Variants in DNAH7 observed in about 807,000 individuals in gnomAD.
DNAH7 encodes the protein dynein axonemal heavy chain 7.
A neutral mutation model predicts 444.6 loss-of-function variants in DNAH7; 397 were observed. The observed-to-expected ratio is 0.89, with a 90% confidence interval of 0.82 to 0.97. DNAH7 has a LOEUF of 0.97. Among genes scored for constraint, DNAH7 ranks in the 50% least tolerant of loss-of-function variants. The pLI is 0.00. For synonymous variants in DNAH7, 1,636 were observed against 1,624.4 expected (o/e 1.01, Z -0.17); for missense variants, 4,902 against 4,800.8 (o/e 1.02, Z -0.62).
chr2:195,952,700 C>T (rs920749396), intron 19 of DNAH7, among the ~76,000 whole-genome samples: 1 of 151,782 alleles, frequency 6.6e-6, no homozygotes, highest in African/African-American at 2.4e-5. Context: ...TCTCTGATAC[C>T]CTTTCTTCTA....
At chr2:195,991,946 C>T (rs1343140048) in intron 12 of DNAH7, among the ~76,000 whole-genome samples, 1 of 152,196 alleles carries the variant, frequency 6.6e-6, no homozygotes, top group East Asian at 1.9e-4. Flanking sequence ...CCGGAAAAAT[C>T]TTATGCATGA....
Position 195,875,797 on chromosome 2 carries a change from C to T in DNAH7, c.6164G>A (p.Gly2055Glu). 6.2e-7 allele frequency: 1 copy of T among 1,613,032 alleles called. No individual in the cohort carries two copies. Among genetic ancestry groups the T allele is most frequent in the Non-Finnish European group, 8.5e-7 (1 of 1,179,670 alleles). ...DVNMPAREVY[G>E]AQPPIELLRQ... ...AAGTAACTCAATGGGAGGTTGAGCC[C>T]CATATACCTCCCGAGCAGGCATATT... is the stretch of plus-strand genomic sequence containing the variant. The change falls in exon 38 of 65, where the codon GGG (glycine) becomes GAG (glutamate). Residue 2055 changes from glycine to glutamate, a missense_variant. Gly to Glu is a moderately conservative substitution (Grantham distance 98, BLOSUM62 -2). Coordinates refer to ENST00000312428, the MANE Select transcript of DNAH7 (RefSeq NM_018897.3).
At chr2:195,950,679 T>G (rs1299497412) in intron 19 of DNAH7, among the ~76,000 whole-genome samples, 1 of 151,710 alleles carries the variant, frequency 6.6e-6, no homozygotes, top group African/African-American at 2.4e-5. Context: ...AAACCCCATC[T>G]CTACTAAAAA....
At chr2:195,937,824 G>A (rs890453350) in intron 19 of DNAH7, among the ~76,000 whole-genome samples, 5 of 151,438 alleles carry the variant, frequency 3.3e-5, no homozygotes, top group Admixed American at 3.3e-4. Context: ...TGAAGGTGTT[G>A]AAAAAACAAA....
intron 61 of DNAH7, among the ~76,000 whole-genome samples, chr2:195,762,513 T>C (rs1281964549): frequency 2.0e-5 from 3 of 152,042 alleles, no homozygotes; most frequent in Non-Finnish European, 4.4e-5. Flanking sequence ...AAGATACATA[T>C]AGACTGAAAA....
intron 63 of DNAH7, among the ~76,000 whole-genome samples, chr2:195,747,574 C>CA: frequency 6.6e-6 from 1 of 152,262 alleles, no homozygotes; most frequent in East Asian, 1.9e-4. Context: ...AACATTGATG[C>CA]AAAAATCCTC....
chr2:195,986,263 G>A (rs1692900525), intron 14 of DNAH7, among the ~76,000 whole-genome samples: 1 of 152,096 alleles, frequency 6.6e-6, no homozygotes. Flanking sequence ...CTTCTACATT[G>A]TAACTTCCTT....
chr2:195,986,895 A>G (rs1692947250), intron 14 of DNAH7, among the ~76,000 whole-genome samples, 171 bp downstream of exon 14: 1 of 152,170 alleles, frequency 6.6e-6, no homozygotes, highest in Non-Finnish European at 1.5e-5. Context: ...AATAAATACT[A>G]ATAATCACAT....
intron 46 of DNAH7, among the ~76,000 whole-genome samples, chr2:195,850,168 G>A (rs574278102): frequency 6.6e-6 from 1 of 152,004 alleles, no homozygotes; most frequent in Non-Finnish European, 1.5e-5. Flanking sequence ...TGTAATATCA[G>A]AGAATAACCA....
intron 49 of DNAH7, 78 bp from the exon 50 acceptor site, chr2:195,817,907 C>T: frequency 9.4e-7 from 1 of 1,068,884 alleles, no homozygotes; most frequent in East Asian, 2.6e-5. Flanking sequence ...CAAGTTCTGC[C>T]CTTAAAATAG....
chr2:195,858,452 A>C (rs753314534), intron 43 of DNAH7, 22 bp downstream of exon 43: 1 of 1,545,744 alleles, frequency 6.5e-7, no homozygotes, highest in Non-Finnish European at 8.7e-7. Flanking sequence ...GTGTCCTAGA[A>C]AGTGTATGGC....
intron 49 of DNAH7, among the ~76,000 whole-genome samples, chr2:195,818,043 T>C (rs1697303865): frequency 6.6e-6 from 1 of 152,200 alleles, no homozygotes; most frequent in Non-Finnish European, 1.5e-5. Context: ...AAAAATCTAA[T>C]ACCTCAAAGG....
intron 15 of DNAH7, among the ~76,000 whole-genome samples, chr2:195,981,758 C>A (rs1233914109): frequency 1.3e-5 from 2 of 152,178 alleles, no homozygotes; most frequent in Non-Finnish European, 2.9e-5. Context: ...ACTGGATATT[C>A]ATATGCAGAA....
intron 48 of DNAH7, chr2:195,824,971 AGATT>A (rs929491443): frequency 6.6e-6 from 1 of 152,340 alleles, no homozygotes; most frequent in Admixed American, 6.5e-5. Context: ...CACAGTATAT[AGATT>A]GATAGAAAAA....
chr2:195,942,991 G>GAA (rs1689561951), intron 19 of DNAH7, among the ~76,000 whole-genome samples: 1 of 152,110 alleles, frequency 6.6e-6, no homozygotes, highest in Admixed American at 6.6e-5. Flanking sequence ...AATCATCGGG[G>GAA]TGGGTTTTTC....
At chr2:195,755,690 A>G (rs1694036228) in intron 62 of DNAH7, among the ~76,000 whole-genome samples, 1 of 152,208 alleles carries the variant, frequency 6.6e-6, no homozygotes, top group South Asian at 2.1e-4. Context: ...GTTAAGCACC[A>G]ATATTACCAG....
At position 195,846,949 on chromosome 2, in the gene DNAH7, A is replaced by ATGTGTGTGTGTGTGTGTG. The variant is rs35075325; in HGVS notation, c.8782-1802_8782-1785dup. 6.0e-3 allele frequency among the ~76,000 whole-genome samples: 827 copies of ATGTGTGTGTGTGTGTGTG among 137,192 alleles called. 8 individuals are homozygous for ATGTGTGTGTGTGTGTGTG. Among genetic ancestry groups the ATGTGTGTGTGTGTGTGTG allele is most frequent in the African/African-American group, 0.019 (680 of 35,252 alleles). The allele number at this position is 137,192 out of a possible 152,430, so 90.0% of individuals were successfully genotyped here. A position where few individuals can be genotyped will look rare whatever the true frequency, so the allele number is the denominator to read the frequency against. On this transcript the variant is annotated intron_variant, in intron 46 of 64. Coordinates refer to ENST00000312428, the MANE Select transcript of DNAH7 (RefSeq NM_018897.3). Reference sequence around the variant, plus strand: ...AATACTACGTAATAAACTCCCATATATGTGTGTGTGTGTGTGTGTGTGTGT... The same window carrying ATGTGTGTGTGTGTGTGTG: ...AATACTACGTAATAAACTCCCATATATGTGTGTGTGTGTGTGTGTGTGTGTGTGTGTGTGTGTGTGTGT...
intron 2 of DNAH7, among the ~76,000 whole-genome samples, chr2:196,054,180 CAACTGT>C (rs1697659734): frequency 6.6e-6 from 1 of 152,140 alleles, no homozygotes. Context: ...TTCTTAACTC[CAACTGT>C]AAGTAATCTC....
chr2:195,934,545 C>T, intron 21 of DNAH7, 46 bp downstream of exon 21: 1 of 1,544,924 alleles, frequency 6.5e-7, no homozygotes, highest in Non-Finnish European at 8.9e-7. Context: ...TAATAACATT[C>T]ATATTCTAGC....
Sources: gnomAD v4.1 joint callset for allele counts (sites outside exome capture counted in the v4.1 genomes callset) on GRCh38, gnomAD v4.1.1 for gene constraint, MANE v1.5 for transcripts, NCBI Gene and HGNC (gene_info 2026-07-23, HGNC 2026-07-21) for gene names.